TNK2: variants seen among roughly 807,000 people sequenced by gnomAD.
The protein encoded by TNK2 is tyrosine kinase non receptor 2, also known as activated CDC42 kinase 1.
A neutral mutation model predicts 101.8 loss-of-function variants in TNK2; 83 were observed. The observed-to-expected ratio is 0.82, with a 90% CI of 0.68 to 0.98. TNK2 has a LOEUF of 0.98. Among genes scored for constraint, TNK2 ranks in the 50% least tolerant of loss-of-function variants. The pLI is 0.00. For synonymous variants in TNK2, 804 were observed against 633.0 expected, an observed-to-expected ratio of 1.27 and a Z score of -4.06; for missense variants, 1,665 against 1,483.2, an observed-to-expected ratio of 1.12 and a Z score of -2.01.
At chr3:195,883,128 G>GCCCCCCCCCCCC in intron 5 of TNK2, 29 bp downstream of exon 5, 7 of 1,591,848 alleles carry the variant, frequency 4.4e-6, no homozygotes, top group Non-Finnish European at 6.0e-6. Flanking sequence ...CCCTCTCCCT[G>GCCCCCCCCCCCC]CCCGCCCCCT....
chr3:195,868,723 G>C lies in TNK2; in HGVS notation c.1589-14C>G. 6.5e-7 allele frequency: 1 copy of C among 1,537,822 alleles called. No individual in the cohort carries two copies. The highest frequency in any genetic ancestry group is 8.7e-7 in the Non-Finnish European group (1 of 1,151,916). ...CATAGGTTGGTTCTGTGATGGAAAG[G>C]GAGAGCCCAACAGGAAGGCAGTCAG... is the stretch of plus-strand genomic sequence containing the variant. On this transcript the variant is annotated splice_polypyrimidine_tract_variant and intron_variant, in intron 12 of 15. Transcript: ENST00000672887.
In TNK2 at chr3:195,897,439, C is replaced by T. The variant is rs540777393; in HGVS notation, c.-18-8833G>A. On this transcript the variant is annotated intron_variant, in intron 1 of 15. Transcript: ENST00000672887. The stretch of plus-strand genomic sequence containing the variant: ...TGGCAGCTGAGGTCCTGAGGGCAGG[C>T]AAGGCTGTGTCTGCTGGCAGTGCTA... Among the ~76,000 whole-genome samples, 6 of 152,352 alleles carry T rather than the reference C, an allele frequency of 3.9e-5. No homozygotes were observed. The East Asian group carries it at 7.7e-4, about 20-fold the overall frequency.
chr3:195,891,589 C>A (rs1041730107), intron 1 of TNK2, among the ~76,000 whole-genome samples: 3 of 152,176 alleles, frequency 2.0e-5, no homozygotes, highest in African/African-American at 7.2e-5. Flanking sequence ...CTAGGAGTCA[C>A]GGGCCTAGGC....
chr3:195,888,388 G>A lies in TNK2; in HGVS notation c.163+38C>T, dbSNP rs375774926. On this transcript the variant is annotated intron_variant, in intron 2 of 15. Transcript: ENST00000672887. The surrounding 1 kb of genome is among the most constrained non-coding windows in gnomAD (Gnocchi z 5.3). ...GTCCTGAGGACAGAGGACGGAAAGG[G>A]TCAGGGGCAAGACAAGCCAGGCCAA... 1 of 1,601,074 alleles carries A rather than the reference G, an allele frequency of 6.2e-7. No individual in the cohort carries two copies.
chr3:195,885,277 G>A lies in TNK2; in HGVS notation c.235-244C>T. The stretch of plus-strand genomic sequence containing the variant: ...GTGCCAGAAAGAGACCGACAGGCAT[G>A]CAGCCTGTGGCTGAGCGGCCCCACA... On this transcript the variant is annotated intron_variant, in intron 3 of 15. Transcript: ENST00000672887. This position sits in a 1 kb window ranked among gnomAD's most constrained non-coding sequence, Gnocchi z 4.7. 2 of 1,204,030 alleles carry A rather than the reference G, an allele frequency of 1.7e-6. No individual in the cohort carries two copies. Among genetic ancestry groups the A allele is most frequent in the South Asian group, 3.2e-5 (2 of 62,758 alleles). The allele number at this position is 1,204,030 out of a possible 1,614,324, so 74.6% of individuals were successfully genotyped here.
In TNK2 at chr3:195,865,968, G is replaced by GT. The variant is rs1238754144; in HGVS notation, c.3161+920dup. On this transcript the variant is annotated intron_variant, in intron 15 of 15. Transcript: ENST00000672887. Reference sequence around the variant, plus strand: ...CACGCTGCTGGGACAAGGGCAGCAGGTATCTCCAGGGCCTGGCCCGTGTCA... The same window carrying GT: ...CACGCTGCTGGGACAAGGGCAGCAGGTTATCTCCAGGGCCTGGCCCGTGTCA... 2.0e-5 allele frequency among the ~76,000 whole-genome samples: 3 copies of GT among 152,180 alleles called. No homozygotes were observed. The East Asian group carries it at 5.8e-4, about 29-fold the overall frequency.
At chr3:195,895,545 C>G (rs1760239378) in intron 1 of TNK2, 3 of 1,332,266 alleles carry the variant, frequency 2.3e-6, no homozygotes, top group Admixed American at 4.2e-5. Flanking sequence ...CCCGTCCCAG[C>G]TCCGTTCCTC....
rs1419871487 is a variant in TNK2, at chr3:195,867,596, G to A, written c.2702C>T (p.Thr901Ile). 2 of 1,593,576 alleles carry A rather than the reference G, an allele frequency of 1.3e-6. No homozygotes were observed. Among genetic ancestry groups the A allele is most frequent in the South Asian group, 1.1e-5 (1 of 90,442 alleles). ...CAGCAGCAGAGGCACAGGCAGGGGG[G>A]TAGGCTCCTCGGGGCTCTGGGCCTC... Reference protein sequence around the residue: ...LREAQSPEEPTPLPVPLLLPP... With the variant: ...LREAQSPEEPIPLPVPLLLPP... The change falls in exon 13 of 16, where the codon ACC (threonine) becomes ATC (isoleucine). Residue 901 changes from threonine to isoleucine, a missense_variant. Thr to Ile is a moderately conservative substitution (Grantham distance 89). Coordinates refer to ENST00000672887, the MANE Select transcript of TNK2 (RefSeq NM_001382273.1).
chr3:195,902,519 G>A (rs756685075), intron 1 of TNK2, among the ~76,000 whole-genome samples: 21 of 151,052 alleles, frequency 1.4e-4, no homozygotes, highest in Non-Finnish European at 2.8e-4. Flanking sequence ...TCAGGAGGCT[G>A]AGGCAGGACA....
At chr3:195,874,006 C>G (rs996612975) in intron 9 of TNK2, among the ~76,000 whole-genome samples, 2 of 152,140 alleles carry the variant, frequency 1.3e-5, no homozygotes, top group Non-Finnish European at 2.9e-5. Context: ...TGAAAAATAG[C>G]AGGGCCACTC....
Position 195,870,481 on chromosome 3 carries a change from C to T in TNK2, c.1452-276G>A, listed in dbSNP as rs1169428216. ...CAAGGGCAGAGGTGGTCCTCCACAA[C>T]CCCCCAGGCCCCCAGCCCACACCAG... On this transcript the variant is annotated intron_variant, in intron 10 of 15. Transcript: ENST00000672887. 4 of 1,090,268 alleles carry T rather than the reference C, an allele frequency of 3.7e-6. No individual in the cohort carries two copies. In the Admixed American group the frequency reaches 1.0e-4, roughly 28 times the overall value. 67.5% of individuals were successfully genotyped at this position (1,090,268 alleles called of 1,614,324 possible).
chr3:195,871,952 C>T (rs1471377410), intron 10 of TNK2, among the ~76,000 whole-genome samples: 8 of 125,610 alleles, frequency 6.4e-5, no homozygotes. Context: ...AGAACATTCC[C>T]CTGGAGAACC....
At chr3:195,868,743 A>G in intron 12 of TNK2, 34 bp from the exon 13 acceptor site, 2 of 1,520,588 alleles carry the variant, frequency 1.3e-6, no homozygotes, top group Non-Finnish European at 1.8e-6. Flanking sequence ...ACAGGAAGGC[A>G]GTCAGGCAGG....
At chr3:195,899,874 G>C (rs1761027745) in intron 1 of TNK2, among the ~76,000 whole-genome samples, 1 of 152,254 alleles carries the variant, frequency 6.6e-6, no homozygotes, top group African/African-American at 2.4e-5. Context: ...GAGAACGGTG[G>C]CTGCTTCTTC....
rs748688103 is a variant in TNK2 at position 195,864,165 on chromosome 3, G to A, written c.*16C>T. 3 of 1,613,908 alleles carry A rather than the reference G, an allele frequency of 1.9e-6. No homozygotes were observed. The highest frequency in any genetic ancestry group is 2.5e-6 in the Non-Finnish European group (3 of 1,179,872). ...GTGATTCCTTCAGGCAGGCCCTCTG[G>A]CTCTCCAGACGCATCTCAGCGCCTA... On this transcript the variant is annotated 3_prime_UTR_variant, in exon 16 of 16. Transcript: ENST00000672887.
At position 195,898,672 on chromosome 3, in the gene TNK2, C is replaced by A. The variant is rs764039577; in HGVS notation, c.-19+9813G>T. ...ACTGGGTCTTGCTCTGTTGCCCAGGCTGGAGTGCAGTGGTGTGACCATGGC... is the reference window on the plus strand; with the variant it reads ...ACTGGGTCTTGCTCTGTTGCCCAGGATGGAGTGCAGTGGTGTGACCATGGC... On this transcript the variant is annotated intron_variant, in intron 1 of 15. Transcript: ENST00000672887. Among the ~76,000 whole-genome samples, 3 of 152,144 alleles carry A rather than the reference C, an allele frequency of 2.0e-5. No homozygotes were observed. The South Asian group carries it at 6.2e-4, about 31-fold the overall frequency.
At chr3:195,899,402 C>T (rs1477739531) in intron 1 of TNK2, among the ~76,000 whole-genome samples, 1 of 152,068 alleles carries the variant, frequency 6.6e-6, no homozygotes, top group African/African-American at 2.4e-5. Context: ...TCTCGGCTGA[C>T]TGCAACCTCT....
intron 1 of TNK2, chr3:195,896,161 C>T (rs1398487149): frequency 4.4e-6 from 2 of 455,050 alleles, no homozygotes; most frequent in Non-Finnish European, 4.4e-6. Context: ...AGGCCATCGC[C>T]GGCACAGGAA....
At chr3:195,905,644 C>T (rs1487454734) in intron 1 of TNK2, among the ~76,000 whole-genome samples, 1 of 151,080 alleles carries the variant, frequency 6.6e-6, no homozygotes, top group Admixed American at 6.6e-5. Flanking sequence ...AAAAATTAAC[C>T]CCAAACGAAT....
Sources: allele counts gnomAD v4.1 joint callset (sites outside exome capture counted in the v4.1 genomes callset), GRCh38; gene constraint gnomAD v4.1.1; non-coding constraint Gnocchi (gnomAD v3.1); transcripts MANE v1.5; gene names NCBI Gene and HGNC (gene_info 2026-07-23, HGNC 2026-07-21).